ZNF723: variants seen among roughly 807,000 people sequenced by gnomAD.
The protein encoded by ZNF723 is zinc finger protein 723.
A neutral mutation model predicts 9.4 loss-of-function variants in ZNF723; 5 were observed. That is an observed-to-expected ratio of 0.53 (90% confidence interval 0.28 to 1.12). The LOEUF (loss-of-function observed/expected upper bound fraction) is 1.12, where lower values mean the gene tolerates loss of function less well. Among genes scored for constraint, ZNF723 ranks in the 50% most tolerant of loss-of-function variants. The pLI is 0.10. For missense variants in ZNF723, 450 were observed against 501.5 expected (o/e 0.90, Z 0.98); for synonymous variants, 158 against 168.8 (o/e 0.94, Z 0.49).
At chr19:22,841,625 C>G (rs958960045) in intron 1 of ZNF723, among the ~76,000 whole-genome samples, 2 of 152,200 alleles carry the variant, frequency 1.3e-5, no homozygotes, top group African/African-American at 2.4e-5. Context: ...AGTCAACTCA[C>G]AGATTTCTAC....
chr19:22,821,303 T>C, the ZNF723 span, among the ~76,000 whole-genome samples: 3 of 152,142 alleles, frequency 2.0e-5, no homozygotes, highest in Non-Finnish European at 4.4e-5. Flanking sequence ...CAAAATGGAA[T>C]TGTGACACAT....
At chr19:22,832,475 T>C (rs1967109422) in intron 1 of ZNF723, 93 bp downstream of exon 1, 11 of 1,231,084 alleles carry the variant, frequency 8.9e-6, no homozygotes, top group African/African-American at 1.5e-5. Context: ...CTCCCTGCTG[T>C]CAGCCCCACA....
chr19:22,854,401 C>G (rs1257517319), intron 3 of ZNF723, among the ~76,000 whole-genome samples: 1 of 151,982 alleles, frequency 6.6e-6, no homozygotes, highest in Non-Finnish European at 1.5e-5. Context: ...TCTCAGCTGA[C>G]TCTTGCAGGA....
chr19:22,819,511 C>T, the ZNF723 span, among the ~76,000 whole-genome samples: 2 of 152,234 alleles, frequency 1.3e-5, no homozygotes, highest in Admixed American at 1.3e-4. Flanking sequence ...GACCTTTTGA[C>T]AGGACTGTGA....
In ZNF723 at chr19:22,857,695, G is replaced by T; in HGVS notation, c.804G>T (p.Met268Ile). Residue 268 changes from methionine to isoleucine, a missense_variant, in exon 4 of 4, where the codon ATG becomes ATT. Physicochemically the swap from Met to Ile is conservative, Grantham distance 10 (BLOSUM62 1). Coordinates refer to ENST00000600766, the MANE Select transcript of ZNF723 (RefSeq NM_001349726.2). Reference sequence around the variant, plus strand: ...AAGAATGTGGCAAAACCTTTAATATGTTCTCAAGCCTTAATAATCATAAGA... The same window carrying T: ...AAGAATGTGGCAAAACCTTTAATATTTTCTCAAGCCTTAATAATCATAAGA... ...KCEECGKTFN[M>I]FSSLNNHKRI... 7.9e-7 allele frequency: 1 copy of T among 1,266,516 alleles called. No homozygotes were observed. Among genetic ancestry groups the T allele is most frequent in the East Asian group, 2.3e-5 (1 of 43,202 alleles). 78.5% of individuals were successfully genotyped at this position (1,266,516 alleles called of 1,614,324 possible). A position where few individuals can be genotyped will look rare whatever the true frequency, so the allele number is the denominator to read the frequency against.
intron 1 of ZNF723, among the ~76,000 whole-genome samples, chr19:22,845,938 T>C (rs1967302876): frequency 6.9e-6 from 1 of 145,956 alleles, no homozygotes; most frequent in Non-Finnish European, 1.5e-5. Flanking sequence ...AAGAACTGCG[T>C]CCACTCTGCC....
intron 3 of ZNF723, among the ~76,000 whole-genome samples, chr19:22,852,175 CTTCTT>C (rs747705157): frequency 1.3e-5 from 2 of 152,020 alleles, no homozygotes; most frequent in Non-Finnish European, 2.9e-5. Flanking sequence ...CTTTTATAGT[CTTCTT>C]TTAAGATTTC....
At position 22,847,961 on chromosome 19, in the gene ZNF723, C is replaced by T. The variant is rs1018326126; in HGVS notation, c.4-300C>T. Among the ~76,000 whole-genome samples, 5 of 151,826 alleles carry T rather than the reference C, an allele frequency of 3.3e-5. No homozygotes were observed. The East Asian group carries it at 9.7e-4, about 30-fold the overall frequency. The stretch of plus-strand genomic sequence containing the variant: ...ACTAAAAATACAAAAATTAGCTGGG[C>T]GTGGTGGTGGGTGTCTTGTAATCCC... On this transcript the variant is annotated intron_variant, in intron 1 of 3. Transcript: ENST00000600766.
At chr19:22,829,550 G>T (rs889238840), upstream of ZNF723, among the ~76,000 whole-genome samples, 33 of 152,170 alleles carry the variant, frequency 2.2e-4, no homozygotes, top group African/African-American at 7.2e-4. Context: ...CTTCCAAAGT[G>T]CTGGGATTAC....
At position 22,850,084 on chromosome 19, in the gene ZNF723, A is replaced by C. The variant is rs1429953508; in HGVS notation, c.226+791A>C. Among the ~76,000 whole-genome samples, 4 of 151,144 alleles carry C rather than the reference A, an allele frequency of 2.6e-5. No homozygotes were observed. The South Asian group carries it at 8.3e-4, about 31-fold the overall frequency. ...TCTTGAAATACAGTTTGGAATTATT[A>C]TATTAAGTATGACATCCTCCTGGTT... On this transcript the variant is annotated intron_variant, in intron 3 of 3. Coordinates refer to ENST00000600766, the MANE Select transcript of ZNF723 (RefSeq NM_001349726.2).
the ZNF723 span, among the ~76,000 whole-genome samples, chr19:22,817,486 T>C: frequency 6.6e-6 from 1 of 151,786 alleles, no homozygotes; most frequent in South Asian, 2.1e-4. Context: ...GGCCCAGCAA[T>C]TAGGTGAGGT....
Position 22,857,439 on chromosome 19 carries a change from G to A in ZNF723, c.548G>A (p.Cys183Tyr), listed in dbSNP as rs1412175115. The A allele has an allele frequency of 5.3e-6, 5 of 943,710 alleles. No homozygotes were observed. The highest frequency in any genetic ancestry group is 6.9e-6 in the Non-Finnish European group (4 of 576,664). 58.5% of individuals were successfully genotyped at this position (943,710 alleles called of 1,614,324 possible). The change falls in exon 4 of 4, where the codon TGC becomes TAC. Residue 183 changes from cysteine to tyrosine, a missense_variant. This residue lies in a region of ZNF723 where 143 missense variants were observed against 101.3 expected (regional missense o/e 1.41). Coordinates refer to ENST00000600766, the MANE Select transcript of ZNF723 (RefSeq NM_001349726.2). Reference sequence around the variant, plus strand: ...TGTAAAGAATGTGGCAAATCATTTTGCATGCTTTCACACCTAACTAAACAT... The same window carrying A: ...TGTAAAGAATGTGGCAAATCATTTTACATGCTTTCACACCTAACTAAACAT... Reference protein sequence around the residue: ...FKCKECGKSFCMLSHLTKHER... With the variant: ...FKCKECGKSFYMLSHLTKHER...
the ZNF723 span, among the ~76,000 whole-genome samples, chr19:22,822,904 A>T: frequency 1.3e-5 from 2 of 152,204 alleles, no homozygotes; most frequent in Non-Finnish European, 2.9e-5. Flanking sequence ...TACCCTGCCA[A>T]CAATGAGGGC....
intron 1 of ZNF723, among the ~76,000 whole-genome samples, chr19:22,845,687 A>C (rs960921618): frequency 1.4e-5 from 2 of 143,880 alleles, no homozygotes; most frequent in Non-Finnish European, 3.1e-5. Context: ...ATTGTTCCTG[A>C]ATTTTTCATG....
At chr19:22,818,084 G>A in the ZNF723 span, among the ~76,000 whole-genome samples, 1 of 152,292 alleles carries the variant, frequency 6.6e-6, no homozygotes, top group East Asian at 1.9e-4. Context: ...ATAGGCAGGG[G>A]AGAACTCTTC....
chr19:22,831,042 C>T (rs146408467), upstream of ZNF723, among the ~76,000 whole-genome samples: 747 of 152,254 alleles, frequency 4.9e-3, 6 homozygotes, highest in Middle Eastern at 0.034. Context: ...GGATGACAGG[C>T]GTGAGCCACC....
Position 22,857,200 on chromosome 19 carries a change from T to C in ZNF723, c.309T>C (p.Tyr103=), listed in dbSNP as rs569180678. The C allele has an allele frequency of 2.3e-4, 207 of 907,204 alleles. 1 individual carries two copies. The African/African-American group carries it at 3.0e-3, about 13-fold the overall frequency. The allele number at this position is 907,204 out of a possible 1,614,324, so 56.2% of individuals were successfully genotyped here. A position where few individuals can be genotyped will look rare whatever the true frequency, so the allele number is the denominator to read the frequency against. Reference sequence around the variant, plus strand: ...TCCAAAAAGTAATACTGAGAAGCTATGGAAAATATGGACATGACAATTTAC... The same window carrying C: ...TCCAAAAAGTAATACTGAGAAGCTACGGAAAATATGGACATGACAATTTAC... ...DSFQKVILRS[Y]GKYGHDNLQL... Residue 103 remains tyrosine, a synonymous_variant, in exon 4 of 4, where the codon TAT becomes TAC. Coordinates refer to ENST00000600766, the MANE Select transcript of ZNF723 (RefSeq NM_001349726.2).
At chr19:22,834,338 T>C (rs1967139413) in intron 1 of ZNF723, among the ~76,000 whole-genome samples, 1 of 152,202 alleles carries the variant, frequency 6.6e-6, no homozygotes, top group South Asian at 2.1e-4. Context: ...AAGCAAAGAA[T>C]AATCCCCTTG....
intron 1 of ZNF723, among the ~76,000 whole-genome samples, chr19:22,845,305 AATTAATGTGG>A (rs1207250650): frequency 6.6e-6 from 1 of 152,170 alleles, no homozygotes; most frequent in African/African-American, 2.4e-5. Flanking sequence ...CTGCCATTGT[AATTAATGTGG>A]ATTACTTAGA....
Sources: allele counts gnomAD v4.1 joint callset (sites outside exome capture counted in the v4.1 genomes callset), GRCh38; gene constraint gnomAD v4.1.1; regional missense constraint gnomAD v4.1.1; transcripts MANE v1.5; gene names NCBI Gene and HGNC (gene_info 2026-07-23, HGNC 2026-07-21).